ROCK1: variants seen among roughly 807,000 people sequenced by gnomAD.
The protein encoded by ROCK1 is Rho associated coiled-coil containing protein kinase 1.
Under a neutral mutation model 196.8 loss-of-function variants are expected in ROCK1, and 36 were observed. That is an observed-to-expected ratio of 0.18 (90% CI 0.14 to 0.24). The LOEUF is 0.24. Among genes scored for constraint, ROCK1 ranks in the 10% least tolerant of loss-of-function variants. The pLI is 1.00. For missense variants in ROCK1, 920 were observed against 1,562.0 expected (o/e 0.59, Z 6.93); for synonymous variants, 443 against 515.9 (o/e 0.86, Z 1.91).
intron 13 of ROCK1, among the ~76,000 whole-genome samples, chr18:21,014,424 G>C (rs935360321): frequency 4.6e-5 from 7 of 152,048 alleles, no homozygotes; most frequent in Admixed American, 1.3e-4. Flanking sequence ...TTACTGGGAG[G>C]AATACAGAAA....
At chr18:21,045,535 G>T in intron 4 of ROCK1, 68 bp from the exon 5 acceptor site, 1 of 1,264,878 alleles carries the variant, frequency 7.9e-7, no homozygotes, top group Non-Finnish European at 1.1e-6. Context: ...CACTTAAAAA[G>T]TGGCAAAAAT....
intron 21 of ROCK1, among the ~76,000 whole-genome samples, chr18:20,980,606 G>A (rs147143137): frequency 3.0e-4 from 46 of 152,208 alleles, no homozygotes; most frequent in African/African-American, 1.1e-3. Context: ...ACTTAAAATG[G>A]GTATATTATA....
intron 16 of ROCK1, among the ~76,000 whole-genome samples, chr18:20,999,470 A>C (rs1217730376): frequency 2.0e-5 from 3 of 152,194 alleles, no homozygotes; most frequent in Non-Finnish European, 2.9e-5. Flanking sequence ...AAAATATGTA[A>C]AGCAAGGTAT....
At chr18:21,023,297 G>A (rs1429622116) in intron 11 of ROCK1, among the ~76,000 whole-genome samples, 44 of 152,010 alleles carry the variant, frequency 2.9e-4, no homozygotes. Context: ...TAAATATTTT[G>A]AACATGTAAT....
chr18:21,077,304 G>A (rs2036441655), intron 1 of ROCK1, among the ~76,000 whole-genome samples: 3 of 152,276 alleles, frequency 2.0e-5, no homozygotes, highest in Admixed American at 1.3e-4. Flanking sequence ...GCAGGTAGCA[G>A]ACTGGTTCCT....
intron 22 of ROCK1, 88 bp from the exon 23 acceptor site, chr18:20,970,601 TA>T (rs2035416772): frequency 1.2e-6 from 1 of 826,274 alleles, no homozygotes; most frequent in African/African-American, 1.7e-5. Context: ...CAATTAACTT[TA>T]AATGATAAAA....
chr18:21,107,999 G>T (rs1316166726), intron 1 of ROCK1, among the ~76,000 whole-genome samples: 1 of 151,912 alleles, frequency 6.6e-6, no homozygotes, highest in Admixed American at 6.6e-5. Flanking sequence ...AGGTTGCAGT[G>T]AGCCAAGATC....
chr18:20,979,208 C>T (rs2035507580), intron 22 of ROCK1, among the ~76,000 whole-genome samples: 3 of 152,120 alleles, frequency 2.0e-5, no homozygotes, highest in Admixed American at 2.0e-4. Flanking sequence ...GTATTACAGG[C>T]ATGAGCCACC....
chr18:21,082,695 C>T (rs376198135), intron 1 of ROCK1, among the ~76,000 whole-genome samples: 8 of 152,194 alleles, frequency 5.3e-5, no homozygotes, highest in African/African-American at 1.9e-4. Context: ...TGGTGAAGGC[C>T]ACATATGAAA....
In ROCK1 at chr18:21,111,014, G is replaced by T; in HGVS notation, c.-104C>A. On this transcript the variant is annotated 5_prime_UTR_variant, in exon 1 of 33. Transcript: ENST00000399799. This position sits in a 1 kb window ranked among gnomAD's most constrained non-coding sequence, Gnocchi z 4.2. ...TTCGCAGCCGCGGGGCGGAGGAGCC[G>T]GAACCTCAGGGTCACCAGGTGCGCC... 1 of 870,086 alleles carries T rather than the reference G, an allele frequency of 1.1e-6. No individual in the cohort carries two copies. Among genetic ancestry groups the T allele is most frequent in the East Asian group, 2.5e-5 (1 of 40,480 alleles). The allele number at this position is 870,086 out of a possible 1,614,324, so 53.9% of individuals were successfully genotyped here.
intron 13 of ROCK1, among the ~76,000 whole-genome samples, chr18:21,010,028 C>A (rs929841086): frequency 2.0e-5 from 3 of 152,096 alleles, no homozygotes; most frequent in African/African-American, 7.2e-5. Context: ...CTTTTGATAC[C>A]TATATGGTCT....
At chr18:21,016,053 T>C (rs952137462) in intron 12 of ROCK1, among the ~76,000 whole-genome samples, 7 of 152,150 alleles carry the variant, frequency 4.6e-5, no homozygotes, top group Non-Finnish European at 1.0e-4. Context: ...TTCAGTAGTA[T>C]ATATGCTTCC....
intron 9 of ROCK1, among the ~76,000 whole-genome samples, chr18:21,033,783 C>T (rs1238780732): frequency 3.0e-5 from 4 of 133,064 alleles, no homozygotes; most frequent in South Asian, 2.5e-4. Context: ...CTTTGGGAGG[C>T]GGAGGTGGGC....
rs1193409737 is a variant in ROCK1, at chr18:20,979,778, TG to T, written c.2654+131del. The stretch of plus-strand genomic sequence containing the variant: ...AGGCAAATTTCAGCCTAATCTGATT[TG>T]TTCTGAATTAGCCCAATAAACTGTG... On this transcript the variant is annotated intron_variant, in intron 22 of 32. Transcript: ENST00000399799. The T allele has an allele frequency of 3.7e-6, 4 of 1,071,432 alleles. No homozygotes were observed. In the African/African-American group the frequency reaches 6.7e-5, roughly 18 times the overall value. 66.4% of individuals were successfully genotyped at this position (1,071,432 alleles called of 1,614,324 possible). A position where few individuals can be genotyped will look rare whatever the true frequency, so the allele number is the denominator to read the frequency against.
chr18:21,043,187 A>C (rs1195522702), intron 6 of ROCK1, among the ~76,000 whole-genome samples: 1 of 152,152 alleles, frequency 6.6e-6, no homozygotes, highest in Non-Finnish European at 1.5e-5. Context: ...TTTCTACTAA[A>C]ATAGCTATTT....
At chr18:21,062,112 C>A (rs2036296823) in intron 2 of ROCK1, among the ~76,000 whole-genome samples, 1 of 152,074 alleles carries the variant, frequency 6.6e-6, no homozygotes, top group South Asian at 2.1e-4. Context: ...AAACAGTGAT[C>A]ACCAGTAGCA....
intron 17 of ROCK1, 23 bp downstream of exon 17, chr18:20,992,807 AT>A: frequency 7.7e-7 from 1 of 1,295,300 alleles, no homozygotes; most frequent in East Asian, 2.3e-5. Context: ...TTTTATAATA[AT>A]TGGTATATGT....
intron 16 of ROCK1, 22 bp downstream of exon 16, chr18:21,006,329 C>CGTAATAAGA: frequency 3.2e-6 from 5 of 1,578,176 alleles, no homozygotes; most frequent in Non-Finnish European, 4.3e-6. Context: ...GTATATTTTA[C>CGTAATAAGA]CACAATAAGA....
intron 2 of ROCK1, among the ~76,000 whole-genome samples, chr18:21,064,637 T>C (rs2036318994): frequency 6.6e-6 from 1 of 152,244 alleles, no homozygotes; most frequent in Admixed American, 6.5e-5. Flanking sequence ...TGTAAAGGGC[T>C]TAAGAGCTTT....
Sources: allele counts gnomAD v4.1 joint callset (sites outside exome capture counted in the v4.1 genomes callset), GRCh38; gene constraint gnomAD v4.1.1; non-coding constraint Gnocchi (gnomAD v3.1); transcripts MANE v1.5; gene names NCBI Gene and HGNC (gene_info 2026-07-23, HGNC 2026-07-21).